TRIO: variants seen among roughly 807,000 people sequenced by gnomAD.
TRIO encodes the protein trio Rho guanine nucleotide exchange factor, also known as triple functional domain protein.
In TRIO, 58 loss-of-function variants were observed where a neutral mutation model predicts 351.9. That is an observed-to-expected ratio of 0.16 (90% CI 0.13 to 0.21). The LOEUF is 0.21. Ranked by LOEUF, TRIO falls within the 10% of genes least tolerant of loss-of-function variation. TRIO has a pLI of 1.00. For synonymous variants in TRIO, 1,758 were observed against 1,595.7 expected, an observed-to-expected ratio of 1.10 and a Z score of -2.42; for missense variants, 3,201 against 4,027.8, an observed-to-expected ratio of 0.79 and a Z score of 5.56.
chr5:14,488,558 A>G, intron 48 of TRIO: 1 of 513,848 alleles, frequency 1.9e-6, no homozygotes, highest in Non-Finnish European at 3.4e-6. Context: ...TTTCTTTTTT[A>G]ACCTCTGCCT....
chr5:14,484,417 G>A (rs1755766435), intron 46 of TRIO, among the ~76,000 whole-genome samples: 2 of 152,150 alleles, frequency 1.3e-5, no homozygotes, highest in South Asian at 4.1e-4. Flanking sequence ...CAGGCTGTTA[G>A]TTCAAACTAT....
At chr5:14,358,469 A>T in intron 12 of TRIO, 122 bp downstream of exon 12, 158 of 1,117,946 alleles carry the variant, frequency 1.4e-4, no homozygotes, top group Middle Eastern at 4.3e-4. Context: ...CAGAGCTAGT[A>T]GTGTCTGTGA....
At chr5:14,275,416 A>C (rs1414264091) in intron 2 of TRIO, among the ~76,000 whole-genome samples, 1 of 152,124 alleles carries the variant, frequency 6.6e-6, no homozygotes, top group African/African-American at 2.4e-5. Context: ...TTTGCTTTAC[A>C]TTTGTAAGAC....
chr5:14,435,243 G>A (rs998105074), intron 34 of TRIO, among the ~76,000 whole-genome samples: 2 of 152,292 alleles, frequency 1.3e-5, no homozygotes, highest in Admixed American at 1.3e-4. Context: ...GATCCTCCAC[G>A]AGGCCGGACT....
At chr5:14,244,364 T>C (rs187547262) in intron 1 of TRIO, among the ~76,000 whole-genome samples, 3 of 152,290 alleles carry the variant, frequency 2.0e-5, no homozygotes, top group Admixed American at 2.0e-4. Flanking sequence ...ATGGGGCAAA[T>C]ATCATGGAAG....
chr5:14,497,989 G>A lies in TRIO; in HGVS notation c.8048-100G>A. 6.2e-7 allele frequency: 1 copy of A among 1,610,114 alleles called. No individual in the cohort carries two copies. The highest frequency in any genetic ancestry group is 8.5e-7 in the Non-Finnish European group (1 of 1,176,620). ...GAGTTTTCCGTGGCGCTCTAGGCGT[G>A]CATAGCAGGTTAGGTCCTATCAATC... On this transcript the variant is annotated intron_variant, in intron 51 of 56. Coordinates refer to ENST00000344204, the MANE Select transcript of TRIO (RefSeq NM_007118.4). This position sits in a 1 kb window ranked among gnomAD's most constrained non-coding sequence, Gnocchi z 4.4.
chr5:14,387,370 C>A, intron 21 of TRIO, 68 bp from the exon 22 acceptor site: 2 of 1,497,718 alleles, frequency 1.3e-6, no homozygotes, highest in Middle Eastern at 1.8e-4. Context: ...GTCAAGTCGC[C>A]ACTGTGTTTG....
At chr5:14,378,612 T>G (rs1417926082) in intron 20 of TRIO, among the ~76,000 whole-genome samples, 2 of 151,784 alleles carry the variant, frequency 1.3e-5, no homozygotes, top group Non-Finnish European at 2.9e-5. Context: ...CAGGCTGGAG[T>G]GCAATGGCAC....
At chr5:14,223,541 T>C (rs1019408359) in intron 1 of TRIO, among the ~76,000 whole-genome samples, 3 of 152,186 alleles carry the variant, frequency 2.0e-5, no homozygotes, top group African/African-American at 7.2e-5. Context: ...GTGACCCTGC[T>C]TGGCTTCAAG....
chr5:14,370,557 T>G (rs1182524038), intron 18 of TRIO, among the ~76,000 whole-genome samples: 2 of 152,210 alleles, frequency 1.3e-5, no homozygotes, highest in Non-Finnish European at 2.9e-5. Context: ...TTCTGTGTTT[T>G]TTTCTGAAGT....
chr5:14,359,439 G>T lies in TRIO; in HGVS notation c.2299G>T (p.Ala767Ser). 1.9e-6 allele frequency: 3 copies of T among 1,614,274 alleles called. No homozygotes were observed. Among genetic ancestry groups the T allele is most frequent in the Non-Finnish European group, 2.5e-6 (3 of 1,180,046 alleles). ...IETVLQQLDE[A>S]QSQMEELFQE... ...GACGGTGCTGCAGCAGCTGGACGAG[G>T]CGCAGTCGCAGATGGAGGAGCTCTT... Residue 767 changes from alanine (A) to serine (S), a missense_variant, in exon 13 of 57, where the codon GCG (alanine) becomes TCG (serine). Around this residue, in one of 19 missense-constraint regions of TRIO, gnomAD observed 363 missense variants for 553.5 expected, o/e 0.66. Transcript: ENST00000344204.
intron 34 of TRIO, among the ~76,000 whole-genome samples, chr5:14,426,418 C>G (rs1750645460): frequency 6.6e-6 from 1 of 152,154 alleles, no homozygotes; most frequent in African/African-American, 2.4e-5. Context: ...GAGGAGAGAG[C>G]AGAATAAATC....
chr5:14,214,858 CTTAAG>C (rs367723680), intron 1 of TRIO, among the ~76,000 whole-genome samples: 78 of 152,218 alleles, frequency 5.1e-4, no homozygotes, highest in African/African-American at 1.9e-3. Flanking sequence ...AACATCCTAC[CTTAAG>C]TCATTTGAAC....
At chr5:14,476,384 C>T (rs1755075040) in intron 40 of TRIO, among the ~76,000 whole-genome samples, 2 of 152,184 alleles carry the variant, frequency 1.3e-5, no homozygotes, top group African/African-American at 2.4e-5. Flanking sequence ...CCTTTGTATT[C>T]CTTTATGCTT....
intron 13 of TRIO, 28 bp from the exon 14 acceptor site, chr5:14,363,704 T>G: frequency 6.2e-7 from 1 of 1,601,354 alleles, no homozygotes. Flanking sequence ...ATATTTTTTT[T>G]GTCTTGATCT....
At chr5:14,505,844 C>A (rs943296359) in intron 55 of TRIO, among the ~76,000 whole-genome samples, 2 of 152,206 alleles carry the variant, frequency 1.3e-5, no homozygotes, top group Non-Finnish European at 2.9e-5. Flanking sequence ...GAATAGAAAA[C>A]ACATCTCATG....
At chr5:14,205,052 A>C (rs1396353434) in intron 1 of TRIO, among the ~76,000 whole-genome samples, 1 of 152,204 alleles carries the variant, frequency 6.6e-6, no homozygotes, top group African/African-American at 2.4e-5. Flanking sequence ...GCTGCAGTAG[A>C]GACAGAGGCC....
intron 17 of TRIO, 66 bp downstream of exon 17, chr5:14,368,965 A>G (rs1744838365): frequency 1.3e-6 from 2 of 1,525,160 alleles, no homozygotes; most frequent in Non-Finnish European, 1.8e-6. Context: ...TTTATTGGAC[A>G]GCTCAATCAT....
chr5:14,228,359 G>C (rs980911229), intron 1 of TRIO, among the ~76,000 whole-genome samples: 1 of 151,888 alleles, frequency 6.6e-6, no homozygotes, highest in African/African-American at 2.4e-5. Flanking sequence ...CCGCAAACAT[G>C]TGAGCCTGTG....
Sources: gnomAD v4.1 joint callset for allele counts (sites outside exome capture counted in the v4.1 genomes callset) on GRCh38, gnomAD v4.1.1 for gene constraint, gnomAD v4.1.1 regional missense constraint, Gnocchi (gnomAD v3.1) non-coding constraint, MANE v1.5 for transcripts, NCBI Gene and HGNC (gene_info 2026-07-23, HGNC 2026-07-21) for gene names.